PBX1: variants seen among roughly 807,000 people sequenced by gnomAD.
PBX1 encodes the protein PBX homeobox 1.
PBX1 carries 6 observed loss-of-function variants against 53.4 expected under a neutral mutation model. The observed-to-expected ratio is 0.11, with a 90% confidence interval of 0.06 to 0.22. PBX1 has a LOEUF of 0.22. PBX1 is among the 10% of genes least tolerant of loss of function. The probability of loss-of-function intolerance (pLI) is 1.00; values close to 1 mark genes in which losing one functional copy is unlikely to be tolerated. For synonymous variants in PBX1, 204 were observed against 212.3 expected (o/e 0.96, Z 0.34); for missense variants, 251 against 551.4 (o/e 0.46, Z 5.46).
intron 6 of PBX1, chr1:164,815,807 T>C (rs1419028834): frequency 1.3e-5 from 2 of 152,146 alleles, no homozygotes; most frequent in Non-Finnish European, 2.9e-5. Context: ...CTGGGGACCG[T>C]GGGGATTATG....
chr1:164,625,819 A>G (rs1440275774), intron 2 of PBX1: 6 of 495,020 alleles, frequency 1.2e-5, no homozygotes, highest in Admixed American at 1.3e-4. Context: ...TAAAAAAAAA[A>G]AAAAAGAAAA....
At chr1:164,623,074 A>G (rs974489722) in intron 2 of PBX1, among the ~76,000 whole-genome samples, 1 of 152,028 alleles carries the variant, frequency 6.6e-6, no homozygotes, top group Non-Finnish European at 1.5e-5. Context: ...CGGCCTCCCA[A>G]AGTGCTAGGA....
At position 164,846,537 on chromosome 1, in the gene PBX1, G is replaced by A. The variant is rs569468859; in HGVS notation, c.1201-47G>A. ...TCATTGTCATTGTCTGCTGAAAACA[G>A]CCACCCAATCTCAGAGGACTGACTT... On this transcript the variant is annotated intron_variant, in intron 8 of 8. Coordinates refer to ENST00000420696, the MANE Select transcript of PBX1 (RefSeq NM_002585.4). 12 of 1,547,780 alleles carry A rather than the reference G, an allele frequency of 7.8e-6. No homozygotes were observed. In the African/African-American group the frequency reaches 1.6e-4, roughly 21 times the overall value.
intron 2 of PBX1, among the ~76,000 whole-genome samples, chr1:164,681,478 T>A (rs865859642): frequency 6.6e-6 from 1 of 152,174 alleles, no homozygotes; most frequent in African/African-American, 2.4e-5. Flanking sequence ...AGATATTAAT[T>A]TCAAGGTTAA....
chr1:164,659,940 A>G (rs1045262893), intron 2 of PBX1, among the ~76,000 whole-genome samples: 11 of 152,188 alleles, frequency 7.2e-5, no homozygotes, highest in African/African-American at 2.7e-4. Context: ...TTGATTCTCC[A>G]GGTTTCCTGT....
At chr1:164,821,483 C>G in intron 7 of PBX1, 54 bp from the exon 8 acceptor site, 1 of 1,399,092 alleles carries the variant, frequency 7.1e-7, no homozygotes, top group Non-Finnish European at 1.0e-6. Context: ...ATCTGCCTCC[C>G]TTTTCCTACA....
At chr1:164,857,644 A>G (rs1672007732) in intron 2 of PBX1, among the ~76,000 whole-genome samples, 1 of 152,150 alleles carries the variant, frequency 6.6e-6, no homozygotes, top group Admixed American at 6.5e-5. Flanking sequence ...GAGTCACCTC[A>G]TTAGAACAAA....
intron 2 of PBX1, among the ~76,000 whole-genome samples, chr1:164,669,869 T>C (rs900393065): frequency 7.2e-5 from 11 of 152,210 alleles, no homozygotes; most frequent in Non-Finnish European, 1.0e-4. Context: ...TCTTGTTTTG[T>C]GTATTTAGGT....
chr1:164,568,948 C>G (rs981879419), intron 2 of PBX1, among the ~76,000 whole-genome samples: 1 of 152,208 alleles, frequency 6.6e-6, no homozygotes, highest in South Asian at 2.1e-4. Context: ...TCTAACAGCT[C>G]TCTTTCAATC....
intron 2 of PBX1, among the ~76,000 whole-genome samples, chr1:164,758,671 G>A (rs1666650508): frequency 6.6e-6 from 1 of 151,910 alleles, no homozygotes; most frequent in Admixed American, 6.6e-5. Context: ...AAGTATACTT[G>A]GCCCCTTCAA....
At chr1:164,751,584 T>C (rs1398122799) in intron 2 of PBX1, among the ~76,000 whole-genome samples, 1 of 148,012 alleles carries the variant, frequency 6.8e-6, no homozygotes, top group African/African-American at 2.5e-5. Flanking sequence ...TGCCCCCCTT[T>C]TTTTTTTTTT....
intron 2 of PBX1, among the ~76,000 whole-genome samples, chr1:164,647,226 A>G: frequency 6.6e-6 from 1 of 152,230 alleles, no homozygotes; most frequent in East Asian, 1.9e-4. Flanking sequence ...AAGGCACTGA[A>G]TGAACTCTTC....
chr1:164,867,698 C>T (rs776018717), intron 2 of PBX1, among the ~76,000 whole-genome samples: 6 of 152,318 alleles, frequency 3.9e-5, no homozygotes, highest in Non-Finnish European at 8.8e-5. Flanking sequence ...GAAAGGGAAG[C>T]GCGGGAGGAG....
chr1:164,807,569 A>G lies in PBX1; in HGVS notation c.729A>G (p.Gln243=), dbSNP rs773717794. The change falls in exon 5 of 9, where the codon CAA becomes CAG. Residue 243 remains glutamine, a synonymous_variant. Transcript: ENST00000420696. ...ARRKRRNFNK[Q]ATEILNEYFY... ...GGAAGAGACGGAATTTCAACAAGCA[A>G]GCGACAGAAATCCTGAATGAATATT... 1.1e-5 allele frequency: 18 copies of G among 1,613,808 alleles called. No homozygotes were observed. In the Admixed American group the frequency reaches 2.7e-4, roughly 24 times the overall value.
chr1:164,752,395 T>G (rs1171018960), intron 2 of PBX1, among the ~76,000 whole-genome samples: 1 of 152,118 alleles, frequency 6.6e-6, no homozygotes, highest in Admixed American at 6.6e-5. Context: ...TACCAAATAC[T>G]GTGAGCCAGA....
chr1:164,719,182 T>C (rs553302488), intron 2 of PBX1, among the ~76,000 whole-genome samples: 4 of 152,316 alleles, frequency 2.6e-5, no homozygotes, highest in Non-Finnish European at 5.9e-5. Context: ...TAGGATGGTG[T>C]CCCAGGAGCA....
intron 2 of PBX1, among the ~76,000 whole-genome samples, chr1:164,743,576 C>G (rs1665732647): frequency 6.6e-6 from 1 of 152,078 alleles, no homozygotes; most frequent in Non-Finnish European, 1.5e-5. Flanking sequence ...CTAAGGGAAT[C>G]CAAAATTTTG....
chr1:164,629,501 G>A (rs984684165), intron 2 of PBX1, among the ~76,000 whole-genome samples: 3 of 152,168 alleles, frequency 2.0e-5, no homozygotes, highest in Non-Finnish European at 2.9e-5. Flanking sequence ...ACAGAACTGA[G>A]TCCAGTGCAC....
intron 8 of PBX1, among the ~76,000 whole-genome samples, chr1:164,840,749 C>T (rs1671250658): frequency 6.6e-6 from 1 of 152,124 alleles, no homozygotes; most frequent in Non-Finnish European, 1.5e-5. Flanking sequence ...CTCCCTGATG[C>T]CAGTTTAGTA....
Sources: allele counts gnomAD v4.1 joint callset (sites outside exome capture counted in the v4.1 genomes callset), GRCh38; gene constraint gnomAD v4.1.1; transcripts MANE v1.5; gene names NCBI Gene and HGNC (gene_info 2026-07-23, HGNC 2026-07-21).